The following YTHDC2 variants were observed in gnomAD, a reference collection of about 807,000 sequenced individuals.
YTHDC2 encodes YTH N6-methyladenosine RNA binding protein C2, also known as 3'-5' RNA helicase YTHDC2.
In YTHDC2, 45 loss-of-function variants were observed where a neutral mutation model predicts 174.9. That is an observed-to-expected ratio of 0.26 (90% CI 0.20 to 0.33). The LOEUF (loss-of-function observed/expected upper bound fraction) is 0.33. Among genes scored for constraint, YTHDC2 ranks in the 10% least tolerant of loss-of-function variants. YTHDC2 has a pLI of 1.00. For synonymous variants in YTHDC2, 657 were observed against 574.5 expected (o/e 1.14, Z -2.05); for missense variants, 1,650 against 1,723.7 (o/e 0.96, Z 0.76).
chr5:113,558,733 C>A (rs1776766449), intron 17 of YTHDC2, among the ~76,000 whole-genome samples: 1 of 151,820 alleles, frequency 6.6e-6, no homozygotes, highest in African/African-American at 2.4e-5. Flanking sequence ...ACCAGCCTGG[C>A]CAACATGGTG....
At chr5:113,562,742 A>G (rs1036789951) in intron 18 of YTHDC2, among the ~76,000 whole-genome samples, 23 of 152,110 alleles carry the variant, frequency 1.5e-4, no homozygotes, top group African/African-American at 5.1e-4. Context: ...TCTTAGTTTA[A>G]GTGTCTTTCT....
chr5:113,591,303 A>G, intron 27 of YTHDC2, 59 bp downstream of exon 27: 1 of 1,557,888 alleles, frequency 6.4e-7, no homozygotes, highest in Admixed American at 1.8e-5. Flanking sequence ...AATCATAGAG[A>G]TTTTTAGAAA....
chr5:113,518,468 C>A (rs553811039), intron 2 of YTHDC2, among the ~76,000 whole-genome samples: 221 of 151,922 alleles, frequency 1.5e-3, no homozygotes, highest in African/African-American at 5.2e-3. Flanking sequence ...TCCCAAAGTA[C>A]TAAGATTACA....
intron 23 of YTHDC2, among the ~76,000 whole-genome samples, chr5:113,573,273 T>A (rs1777845905): frequency 1.3e-5 from 2 of 152,206 alleles, no homozygotes; most frequent in Non-Finnish European, 2.9e-5. Context: ...AATTCTTTTC[T>A]TTAAGAGTGT....
intron 25 of YTHDC2, chr5:113,583,365 G>C (rs1778504612): frequency 6.6e-6 from 1 of 152,136 alleles, no homozygotes; most frequent in Non-Finnish European, 1.5e-5. Flanking sequence ...AAATCAACTA[G>C]GTGAAATGTT....
At chr5:113,535,523 A>G in intron 6 of YTHDC2, 119 bp from the exon 7 acceptor site, 1 of 914,490 alleles carries the variant, frequency 1.1e-6, no homozygotes, top group Non-Finnish European at 1.6e-6. Flanking sequence ...ATGAATATTG[A>G]TTGGCCTTGT....
At chr5:113,533,620 T>C (rs4132093) in intron 5 of YTHDC2, among the ~76,000 whole-genome samples, 48,144 of 151,920 alleles carry the variant, frequency 0.32, 9,344 homozygotes, top group African/African-American at 0.53. Flanking sequence ...TCAGTGTTCT[T>C]ATCTATAAAA....
chr5:113,539,770 G>A (rs1398500245), intron 8 of YTHDC2, among the ~76,000 whole-genome samples: 1 of 151,724 alleles, frequency 6.6e-6, no homozygotes, highest in Non-Finnish European at 1.5e-5. Flanking sequence ...TATGCCCTTG[G>A]ACAAAAATCT....
At chr5:113,539,033 C>A in intron 7 of YTHDC2, 41 bp from the exon 8 acceptor site, 1 of 1,008,598 alleles carries the variant, frequency 9.9e-7, no homozygotes, top group Non-Finnish European at 1.4e-6. Context: ...GAATTTTCTC[C>A]AAGATGCAAG....
chr5:113,515,335 C>T lies in YTHDC2; in HGVS notation c.251C>T (p.Ser84Phe). The change falls in exon 2 of 30, where the codon TCT becomes TTT. Residue 84 changes from serine (S) to phenylalanine (F), a missense_variant. Around this residue, in one of 5 missense-constraint regions of YTHDC2, gnomAD observed 304 missense variants for 341.4 expected, o/e 0.89. Coordinates refer to ENST00000161863, the MANE Select transcript of YTHDC2 (RefSeq NM_022828.5). ...GCCTTTATTCATCGACTCAGTCAGT[C>T]TCTTGGTTTGGTCTCTAAAAGTAAA... is the stretch of plus-strand genomic sequence containing the variant. ...ERAFIHRLSQ[S>F]LGLVSKSKGK... is the part of the protein sequence containing the mutation. 1 of 1,612,528 alleles carries T rather than the reference C, an allele frequency of 6.2e-7. No homozygotes were observed. Among genetic ancestry groups the T allele is most frequent in the Non-Finnish European group, 8.5e-7 (1 of 1,179,680 alleles).
intron 26 of YTHDC2, among the ~76,000 whole-genome samples, chr5:113,586,393 C>T (rs1377932463): frequency 6.6e-6 from 1 of 151,862 alleles, no homozygotes; most frequent in Non-Finnish European, 1.5e-5. Context: ...TAAGAGTTTT[C>T]TGTATATTCT....
chr5:113,558,573 G>T (rs1347217209), intron 17 of YTHDC2, among the ~76,000 whole-genome samples: 5 of 152,148 alleles, frequency 3.3e-5, no homozygotes, highest in Admixed American at 3.3e-4. Context: ...AAATCGGACA[G>T]TAGTGCCATA....
At chr5:113,515,502 A>C (rs1020722714) in intron 2 of YTHDC2, 140 bp downstream of exon 2, 8 of 697,402 alleles carry the variant, frequency 1.1e-5, no homozygotes, top group Non-Finnish European at 1.9e-5. Context: ...TAAAAGATTC[A>C]GGTCTGTACC....
Position 113,526,625 on chromosome 5 carries a change from A to G in YTHDC2, c.515A>G (p.Asn172Ser), listed in dbSNP as rs368678827. The G allele has an allele frequency of 9.6e-5, 153 of 1,592,048 alleles. No homozygotes were observed. Among genetic ancestry groups the G allele is most frequent in the Non-Finnish European group, 1.2e-4 (140 of 1,168,054 alleles). ...AGCAAGACAAGTGGGCGACTCAACAATGGCATACCTCAGATTCCAGTGAAA... is the reference window on the plus strand; with the variant it reads ...AGCAAGACAAGTGGGCGACTCAACAGTGGCATACCTCAGATTCCAGTGAAA... ...EMSKTSGRLN[N>S]GIPQIPVKRG... is the part of the protein sequence containing the mutation. The change falls in exon 4 of 30, where the codon AAT (asparagine) becomes AGT (serine). Residue 172 changes from asparagine to serine, a missense_variant. Physicochemically the swap from Asn to Ser is conservative, Grantham distance 46. Transcript: ENST00000161863.
At chr5:113,580,167 C>T (rs539020931) in intron 24 of YTHDC2, among the ~76,000 whole-genome samples, 116 of 152,134 alleles carry the variant, frequency 7.6e-4, no homozygotes, top group African/African-American at 2.7e-3. Context: ...AAGCCAGAGC[C>T]CTCATGACTC....
At chr5:113,563,822 G>T (rs758313861) in intron 19 of YTHDC2, 37 bp from the exon 20 acceptor site, 39 of 1,607,690 alleles carry the variant, frequency 2.4e-5, no homozygotes, top group Non-Finnish European at 3.1e-5. Context: ...TAAACAGTTT[G>T]CTCACATCAA....
In YTHDC2 at chr5:113,515,284, C is replaced by G. The variant is rs1417120670; in HGVS notation, c.200C>G (p.Pro67Arg). The G allele has an allele frequency of 6.2e-7, 1 of 1,601,466 alleles. No homozygotes were observed. ...RYGDQREMEF[P>R]SSLTSTERAF... ...TTTTTCCGTGTAGAAATGGAATTTC[C>G]TTCTTCTTTGACCAGTACTGAAAGA... The change falls in exon 2 of 30, where the codon CCT (proline) becomes CGT (arginine). Residue 67 changes from proline (P) to arginine (R), a missense_variant. This residue lies in a region of YTHDC2 where 304 missense variants were observed against 341.4 expected (regional missense o/e 0.89). Coordinates refer to ENST00000161863, the MANE Select transcript of YTHDC2 (RefSeq NM_022828.5).
At position 113,548,705 on chromosome 5, in the gene YTHDC2, T is replaced by C. The variant is rs567643445; in HGVS notation, c.1622+38T>C. The C allele has an allele frequency of 6.1e-5, 96 of 1,576,056 alleles. 1 individual carries two copies. The South Asian group carries it at 1.1e-3, about 19-fold the overall frequency. ...TACGTTGATTCTTCATATATCTTTGTATAGCTACACATATCTTTTTTTGTT... is the reference window on the plus strand; with the variant it reads ...TACGTTGATTCTTCATATATCTTTGCATAGCTACACATATCTTTTTTTGTT... On this transcript the variant is annotated intron_variant, in intron 11 of 29. Coordinates refer to ENST00000161863, the MANE Select transcript of YTHDC2 (RefSeq NM_022828.5).
Position 113,581,109 on chromosome 5 carries a change from CACTAT to C in YTHDC2, c.3355-307_3355-303del, listed in dbSNP as rs201074075. ...GGATGTTCTACAGGCACTAAAATAA[CACTAT>C]GAGCTACATATATTTTTATTTACCC... On this transcript the variant is annotated intron_variant, in intron 24 of 29. Transcript: ENST00000161863. Among the ~76,000 whole-genome samples the C allele has an allele frequency of 3.3e-5, 5 of 152,230 alleles. No homozygotes were observed. The East Asian group carries it at 9.7e-4, about 29-fold the overall frequency.
Sources: gnomAD v4.1 joint callset for allele counts (sites outside exome capture counted in the v4.1 genomes callset) on GRCh38, gnomAD v4.1.1 for gene constraint, gnomAD v4.1.1 regional missense constraint, MANE v1.5 for transcripts, NCBI Gene and HGNC (gene_info 2026-07-23, HGNC 2026-07-21) for gene names.